PDZRN3: variants seen among roughly 807,000 people sequenced by gnomAD.
PDZRN3 encodes the protein PDZ domain containing ring finger 3.
PDZRN3 carries 38 observed loss-of-function variants against 85.7 expected under a neutral mutation model. The ratio of observed to expected loss-of-function variants is 0.44; its 90% CI spans 0.34 to 0.58. The LOEUF (loss-of-function observed/expected upper bound fraction) is 0.58, where lower values mean the gene tolerates loss of function less well. Ranked by LOEUF, PDZRN3 falls within the 20% of genes least tolerant of loss-of-function variation. PDZRN3 has a pLI of 0.01. For synonymous variants in PDZRN3, 759 were observed against 638.0 expected (o/e 1.19, Z -2.86); for missense variants, 1,629 against 1,506.4 (o/e 1.08, Z -1.35).
intron 1 of PDZRN3, among the ~76,000 whole-genome samples, chr3:73,613,890 G>C (rs72893825): frequency 6.6e-6 from 1 of 151,940 alleles, no homozygotes; most frequent in South Asian, 2.1e-4. Context: ...TGCAACACAG[G>C]ATCTCCCTGG....
At chr3:73,618,300 G>A (rs1702796757) in intron 1 of PDZRN3, among the ~76,000 whole-genome samples, 2 of 152,118 alleles carry the variant, frequency 1.3e-5, no homozygotes, top group Admixed American at 1.3e-4. Flanking sequence ...ACAGTACTTG[G>A]CATACATAAT....
At chr3:73,454,934 C>A (rs1228184938) in intron 3 of PDZRN3, among the ~76,000 whole-genome samples, 1 of 151,208 alleles carries the variant, frequency 6.6e-6, no homozygotes, top group Non-Finnish European at 1.5e-5. Context: ...ACTGACTTAT[C>A]ATCTGTAAGA....
At chr3:73,503,766 C>G (rs1426222504) in intron 3 of PDZRN3, among the ~76,000 whole-genome samples, 1 of 152,160 alleles carries the variant, frequency 6.6e-6, no homozygotes, top group East Asian at 1.9e-4. Flanking sequence ...AAGCTTTGAA[C>G]TTTTTTGGGG....
At chr3:73,575,045 A>G (rs1282008410) in intron 3 of PDZRN3, among the ~76,000 whole-genome samples, 1 of 152,224 alleles carries the variant, frequency 6.6e-6, no homozygotes, top group Non-Finnish European at 1.5e-5. Flanking sequence ...TTAGTAAGTT[A>G]ATACAGCAGA....
At chr3:73,479,175 G>A (rs1439806456) in intron 3 of PDZRN3, among the ~76,000 whole-genome samples, 1 of 152,078 alleles carries the variant, frequency 6.6e-6, no homozygotes, top group Non-Finnish European at 1.5e-5. Flanking sequence ...CATTTCTTTA[G>A]GATACTGTCA....
At chr3:73,598,057 T>C (rs557851713) in intron 3 of PDZRN3, among the ~76,000 whole-genome samples, 1 of 152,252 alleles carries the variant, frequency 6.6e-6, no homozygotes, top group Non-Finnish European at 1.5e-5. Context: ...TTTTGCCTTC[T>C]CCTAAATAAC....
chr3:73,449,452 G>A (rs575220244), intron 3 of PDZRN3, among the ~76,000 whole-genome samples: 78 of 152,174 alleles, frequency 5.1e-4, no homozygotes, highest in African/African-American at 1.8e-3. Flanking sequence ...AATGAGGGAA[G>A]GCCACACTGA....
intron 3 of PDZRN3, among the ~76,000 whole-genome samples, chr3:73,498,126 C>A (rs1168185292): frequency 6.6e-6 from 1 of 152,208 alleles, no homozygotes; most frequent in African/African-American, 2.4e-5. Flanking sequence ...CAAAAATCAT[C>A]TTTCTCCCTC....
intron 3 of PDZRN3, among the ~76,000 whole-genome samples, chr3:73,457,542 T>G (rs934234335): frequency 6.6e-6 from 1 of 152,278 alleles, no homozygotes; most frequent in African/African-American, 2.4e-5. Flanking sequence ...TGCTGTTCCA[T>G]GTGCCCCCTG....
At chr3:73,580,969 GACATA>G (rs2106866515) in intron 3 of PDZRN3, among the ~76,000 whole-genome samples, 1 of 152,280 alleles carries the variant, frequency 6.6e-6, no homozygotes, top group South Asian at 2.1e-4. Context: ...TAACAACTTT[GACATA>G]ACATACCAGA....
chr3:73,486,530 A>T lies in PDZRN3; in HGVS notation c.919-82135T>A, dbSNP rs1703665103. ...ACAGAATTTCTGTGTAGGGTAATGAAAAGGTTAAGAAATAGAAGTGATGGA... is the reference window on the plus strand; with the variant it reads ...ACAGAATTTCTGTGTAGGGTAATGATAAGGTTAAGAAATAGAAGTGATGGA... On this transcript the variant is annotated intron_variant, in intron 3 of 9. Transcript: ENST00000263666. Among the ~76,000 whole-genome samples, 5 of 152,372 alleles carry T rather than the reference A, an allele frequency of 3.3e-5. No homozygotes were observed. The South Asian group carries it at 1.0e-3, about 32-fold the overall frequency.
chr3:73,523,969 C>T (rs181548945), intron 3 of PDZRN3, among the ~76,000 whole-genome samples: 1 of 152,212 alleles, frequency 6.6e-6, no homozygotes, highest in East Asian at 1.9e-4. Context: ...GCCTGGGAGT[C>T]AATTTATTGG....
At chr3:73,412,437 G>A (rs1040569182) in intron 3 of PDZRN3, among the ~76,000 whole-genome samples, 2 of 152,310 alleles carry the variant, frequency 1.3e-5, no homozygotes, top group Non-Finnish European at 2.9e-5. Flanking sequence ...GTTATCACAC[G>A]GAGTTAAAAA....
intron 3 of PDZRN3, among the ~76,000 whole-genome samples, chr3:73,434,857 C>T (rs1702501652): frequency 6.6e-6 from 1 of 152,194 alleles, no homozygotes; most frequent in South Asian, 2.1e-4. Flanking sequence ...TTGCTTCTCT[C>T]CTCCTTCAGC....
intron 3 of PDZRN3, among the ~76,000 whole-genome samples, chr3:73,555,017 T>C (rs1701660099): frequency 6.6e-6 from 1 of 152,256 alleles, no homozygotes; most frequent in Non-Finnish European, 1.5e-5. Flanking sequence ...TGTCGCCTAT[T>C]TTAATCACCA....
In PDZRN3 at chr3:73,383,598, G is replaced by T. The variant is rs771793125; in HGVS notation, c.2968C>A (p.Arg990=). The T allele has an allele frequency of 3.1e-5, 50 of 1,613,862 alleles. No homozygotes were observed. The highest frequency in any genetic ancestry group is 4.2e-5 in the Non-Finnish European group (50 of 1,180,036). ...CTCTGCATCATGAACTCGCGCCGCCGCCGCTGCTCCTTGGCCTTCACCAGG... is the reference window on the plus strand; with the variant it reads ...CTCTGCATCATGAACTCGCGCCGCCTCCGCTGCTCCTTGGCCTTCACCAGG... ...QHLVKAKEQR[R]RREFMMQSRL... is the part of the protein sequence containing the mutation. The change falls in exon 10 of 10, where the codon CGG becomes AGG. Residue 990 remains arginine, a synonymous_variant. Coordinates refer to ENST00000263666, the MANE Select transcript of PDZRN3 (RefSeq NM_015009.3).
At chr3:73,391,378 C>T in intron 5 of PDZRN3, among the ~76,000 whole-genome samples, 1 of 152,180 alleles carries the variant, frequency 6.6e-6, no homozygotes, top group East Asian at 1.9e-4. Context: ...ACCCATATTT[C>T]ACTCAGCGTC....
intron 3 of PDZRN3, among the ~76,000 whole-genome samples, chr3:73,564,864 G>C (rs2106838111): frequency 6.6e-6 from 1 of 152,248 alleles, no homozygotes; most frequent in Admixed American, 6.5e-5. Context: ...TTGTGTTACA[G>C]CTAATAGGTG....
At chr3:73,571,090 T>G (rs73838572) in intron 3 of PDZRN3, among the ~76,000 whole-genome samples, 4,941 of 152,262 alleles carry the variant, frequency 0.032, 263 homozygotes, top group African/African-American at 0.11. Context: ...CGATTCAGTT[T>G]TACAAAAATC....
Sources: allele counts gnomAD v4.1 joint callset (sites outside exome capture counted in the v4.1 genomes callset), GRCh38; gene constraint gnomAD v4.1.1; transcripts MANE v1.5; gene names NCBI Gene and HGNC (gene_info 2026-07-23, HGNC 2026-07-21).